The following BRD10 variants were observed in gnomAD, a reference collection of about 807,000 sequenced individuals.
BRD10 encodes bromodomain containing 10.
At chr9:5,927,256 A>G in the BRD10 span, among the ~76,000 whole-genome samples, 3 of 152,148 alleles carry the variant, frequency 2.0e-5, no homozygotes, top group African/African-American at 7.2e-5. Flanking sequence ...ACCTTAATGT[A>G]TATTCCTATT....
chr9:5,990,102 G>C, the BRD10 span, among the ~76,000 whole-genome samples: 1 of 152,114 alleles, frequency 6.6e-6, no homozygotes, highest in African/African-American at 2.4e-5. Flanking sequence ...TGAAGAATTT[G>C]GGCTAATCTA....
chr9:5,995,185 G>C, the BRD10 span, among the ~76,000 whole-genome samples: 31 of 152,222 alleles, frequency 2.0e-4, no homozygotes, highest in Non-Finnish European at 3.5e-4. Context: ...AGAGGCGTGA[G>C]CCACCATGCC....
chr9:5,918,642 CT>C, the BRD10 span, among the ~76,000 whole-genome samples: 15,487 of 133,922 alleles, frequency 0.12, 712 homozygotes, highest in Middle Eastern at 0.17. Flanking sequence ...CCGTTAGTGG[CT>C]TTTTTTTTTT....
chr9:5,988,625 C>A, the BRD10 span: 3 of 1,015,044 alleles, frequency 3.0e-6, no homozygotes, highest in Non-Finnish European at 3.0e-6. Flanking sequence ...ACTTAAGAAT[C>A]CCTTTTGCTA....
At chr9:5,972,910 T>C in the BRD10 span, among the ~76,000 whole-genome samples, 1 of 152,148 alleles carries the variant, frequency 6.6e-6, no homozygotes, top group Non-Finnish European at 1.5e-5. Flanking sequence ...GAAATTTCCA[T>C]TCAGAGTAAA....
At chr9:5,903,874 T>C in the BRD10 span, among the ~76,000 whole-genome samples, 1 of 152,124 alleles carries the variant, frequency 6.6e-6, no homozygotes, top group Non-Finnish European at 1.5e-5. Context: ...TTTTTTTTTT[T>C]TGAGACAGAG....
the BRD10 span, among the ~76,000 whole-genome samples, chr9:5,926,347 G>A: frequency 2.6e-5 from 4 of 151,350 alleles, no homozygotes; most frequent in Admixed American, 6.6e-5. Flanking sequence ...TCGCTTTGTC[G>A]CCAGGCTGGA....
the BRD10 span, among the ~76,000 whole-genome samples, chr9:5,879,283 T>C: frequency 2.6e-5 from 4 of 151,636 alleles, no homozygotes. Flanking sequence ...GCCAACATGG[T>C]GAAACCCCAT....
At chr9:5,928,801 T>C in the BRD10 span, among the ~76,000 whole-genome samples, 5 of 151,596 alleles carry the variant, frequency 3.3e-5, no homozygotes, top group African/African-American at 1.2e-4. Flanking sequence ...ACAGCACTTT[T>C]TTTTGCCATC....
chr9:5,912,952 TAG>T, the BRD10 span, among the ~76,000 whole-genome samples: 3 of 152,242 alleles, frequency 2.0e-5, no homozygotes, highest in Non-Finnish European at 4.4e-5. Flanking sequence ...TGAGCAAAGT[TAG>T]AGAGTATTGT....
At chr9:5,930,543 T>G in the BRD10 span, among the ~76,000 whole-genome samples, 3 of 152,058 alleles carry the variant, frequency 2.0e-5, no homozygotes, top group Admixed American at 6.5e-5. Flanking sequence ...TTTTATATCT[T>G]AGAAGAGGAA....
At chr9:5,897,802 C>T in the BRD10 span, 22 of 715,866 alleles carry the variant, frequency 3.1e-5, no homozygotes, top group Admixed American at 2.8e-4. Flanking sequence ...CTACATTGTA[C>T]TTTGGCAACT....
the BRD10 span, chr9:5,922,691 T>G: frequency 1.2e-6 from 2 of 1,613,992 alleles, no homozygotes; most frequent in Non-Finnish European, 1.7e-6. Flanking sequence ...AATAAGAACT[T>G]GCTGCATGAT....
the BRD10 span, among the ~76,000 whole-genome samples, chr9:5,984,003 A>ACC: frequency 6.1e-5 from 9 of 148,626 alleles, no homozygotes; most frequent in East Asian, 9.7e-4. Context: ...ACACACACAC[A>ACC]CACCCCTCTC....
At chr9:5,999,665 T>C in the BRD10 span, among the ~76,000 whole-genome samples, 2 of 152,146 alleles carry the variant, frequency 1.3e-5, no homozygotes, top group East Asian at 1.9e-4. Context: ...AATTACACTC[T>C]AGCCAAACTA....
At chr9:5,892,347 T>C in the BRD10 span, 5 of 677,750 alleles carry the variant, frequency 7.4e-6, no homozygotes, top group African/African-American at 5.5e-5. Flanking sequence ...GTCCTGGCTA[T>C]GGATATTGGT....
chr9:5,941,685 C>G, the BRD10 span, among the ~76,000 whole-genome samples: 11 of 152,254 alleles, frequency 7.2e-5, no homozygotes, highest in East Asian at 2.1e-3. Flanking sequence ...AACACTAAGT[C>G]TTCCAGTACA....
the BRD10 span, among the ~76,000 whole-genome samples, chr9:6,001,048 C>G: frequency 6.6e-6 from 1 of 152,088 alleles, no homozygotes; most frequent in African/African-American, 2.4e-5. Flanking sequence ...CTCTCAGGTC[C>G]CCTAAGCATC....
the BRD10 span, among the ~76,000 whole-genome samples, chr9:5,949,529 T>C: frequency 6.6e-6 from 1 of 152,336 alleles, no homozygotes; most frequent in African/African-American, 2.4e-5. Context: ...GAGTTTTTTC[T>C]TATGTTTGAA....
Sources: gnomAD v4.1 joint callset for allele counts (sites outside exome capture counted in the v4.1 genomes callset) on GRCh38, gnomAD v4.1.1 for gene constraint, MANE v1.5 for transcripts, NCBI Gene and HGNC (gene_info 2026-07-23, HGNC 2026-07-21) for gene names.